The following CPQ variants were observed in gnomAD, a reference collection of about 807,000 sequenced individuals.
The protein encoded by CPQ is carboxypeptidase Q.
Under a neutral mutation model 45.7 loss-of-function variants are expected in CPQ, and 37 were observed. The ratio of observed to expected loss-of-function variants is 0.81; its 90% confidence interval spans 0.62 to 1.07. The LOEUF (loss-of-function observed/expected upper bound fraction) is 1.07, where lower values mean the gene tolerates loss of function less well. Ranked by LOEUF, CPQ falls within the 50% of genes least tolerant of loss-of-function variation. CPQ has a pLI of 0.00. For synonymous variants in CPQ, 186 were observed against 205.8 expected (o/e 0.90, Z 0.82); for missense variants, 537 against 572.9 (o/e 0.94, Z 0.64).
At chr8:97,078,250 T>A (rs1257211145) in intron 7 of CPQ, among the ~76,000 whole-genome samples, 2 of 152,158 alleles carry the variant, frequency 1.3e-5, no homozygotes, top group African/African-American at 4.8e-5. Context: ...CAGGCTATCT[T>A]GTACATGTCC....
At chr8:96,713,936 T>C (rs1809645446) in intron 1 of CPQ, among the ~76,000 whole-genome samples, 1 of 152,236 alleles carries the variant, frequency 6.6e-6, no homozygotes, top group Non-Finnish European at 1.5e-5. Flanking sequence ...TGGTTGATAG[T>C]TATTCTTTTT....
At chr8:97,067,442 G>T (rs1277067355) in intron 7 of CPQ, among the ~76,000 whole-genome samples, 1 of 152,140 alleles carries the variant, frequency 6.6e-6, no homozygotes, top group East Asian at 1.9e-4. Context: ...TTTTAACATT[G>T]CTGTATTCAG....
intron 7 of CPQ, among the ~76,000 whole-genome samples, chr8:97,118,454 G>T (rs1811633745): frequency 6.6e-6 from 1 of 152,080 alleles, no homozygotes; most frequent in Non-Finnish European, 1.5e-5. Flanking sequence ...AATATTAAAA[G>T]TCAGGAGACT....
At chr8:96,882,816 A>T (rs1322357559) in intron 4 of CPQ, among the ~76,000 whole-genome samples, 1 of 150,860 alleles carries the variant, frequency 6.6e-6, no homozygotes, top group Admixed American at 6.8e-5. Context: ...TAAATCAACC[A>T]ATCTAATGTA....
At chr8:97,128,072 TTTCTA>T (rs1330447229) in intron 7 of CPQ, among the ~76,000 whole-genome samples, 1 of 152,244 alleles carries the variant, frequency 6.6e-6, no homozygotes, top group Non-Finnish European at 1.5e-5. Flanking sequence ...GAATGAGTAT[TTTCTA>T]TTCTATTCAA....
chr8:96,850,624 A>AT (rs1811758999), intron 3 of CPQ, among the ~76,000 whole-genome samples: 2 of 144,646 alleles, frequency 1.4e-5, no homozygotes, highest in African/African-American at 5.1e-5. Context: ...TTATTTATTT[A>AT]TTGAGATGCA....
chr8:97,142,949 G>C, intron 7 of CPQ, 71 bp from the exon 8 acceptor site: 1 of 1,464,138 alleles, frequency 6.8e-7, no homozygotes, highest in Middle Eastern at 1.9e-4. Context: ...CAAAAGTGAA[G>C]GGGGAGAGGT....
At chr8:96,652,953 G>A (rs961330312) in intron 1 of CPQ, among the ~76,000 whole-genome samples, 2 of 152,108 alleles carry the variant, frequency 1.3e-5, no homozygotes, top group Non-Finnish European at 2.9e-5. Flanking sequence ...TGTTTTTGAG[G>A]CAGGATCTGG....
chr8:97,111,420 A>G (rs1235245406), intron 7 of CPQ, among the ~76,000 whole-genome samples: 2 of 152,196 alleles, frequency 1.3e-5, no homozygotes, highest in African/African-American at 4.8e-5. Flanking sequence ...CTAAATAGAA[A>G]GAGGAATCTG....
At chr8:96,938,754 T>C (rs60567988) in intron 4 of CPQ, among the ~76,000 whole-genome samples, 2,948 of 152,198 alleles carry the variant, frequency 0.019, 111 homozygotes, top group African/African-American at 0.067. Flanking sequence ...ATGTAGTCCA[T>C]ATAGGTCAGC....
intron 7 of CPQ, among the ~76,000 whole-genome samples, chr8:97,075,454 A>C (rs1018881997): frequency 6.6e-6 from 1 of 152,184 alleles, no homozygotes; most frequent in African/African-American, 2.4e-5. Context: ...ATTATGGAGG[A>C]TACAAAAATG....
At chr8:96,895,286 A>C (rs1239921123) in intron 4 of CPQ, among the ~76,000 whole-genome samples, 2 of 152,242 alleles carry the variant, frequency 1.3e-5, no homozygotes, top group East Asian at 3.8e-4. Flanking sequence ...ACATTAATTG[A>C]AAGACAGTTG....
intron 2 of CPQ, among the ~76,000 whole-genome samples, chr8:96,799,553 T>G (rs1224459640): frequency 6.6e-6 from 1 of 152,182 alleles, no homozygotes; most frequent in Non-Finnish European, 1.5e-5. Flanking sequence ...ACTTTAAAAT[T>G]GGCGGTATGG....
intron 4 of CPQ, among the ~76,000 whole-genome samples, chr8:96,952,680 C>T (rs887353016): frequency 1.3e-5 from 2 of 151,964 alleles, no homozygotes; most frequent in African/African-American, 2.4e-5. Flanking sequence ...GAAATGTCTA[C>T]AAAATTATGA....
At chr8:96,956,984 C>T (rs1263726666) in intron 4 of CPQ, among the ~76,000 whole-genome samples, 1 of 152,212 alleles carries the variant, frequency 6.6e-6, no homozygotes, top group Non-Finnish European at 1.5e-5. Context: ...CCTTGACACT[C>T]TGTCCTGCAG....
chr8:96,744,151 G>A lies in CPQ; in HGVS notation c.-34-40713G>A, dbSNP rs560668393. On this transcript the variant is annotated intron_variant, in intron 1 of 7. Coordinates refer to ENST00000220763, the MANE Select transcript of CPQ (RefSeq NM_016134.4). ...AGACTCTGTGGGTGTAGGACCCTCT[G>A]AGCCAGGTGCGGGATATAATCTCCT... Among the ~76,000 whole-genome samples the A allele has an allele frequency of 6.3e-3, 958 of 152,376 alleles. 12 individuals carry two copies. Among genetic ancestry groups the A allele is most frequent in the African/African-American group, 0.021 (892 of 41,582 alleles).
intron 4 of CPQ, among the ~76,000 whole-genome samples, chr8:96,917,998 A>G (rs991383837): frequency 6.6e-6 from 1 of 152,156 alleles, no homozygotes; most frequent in Non-Finnish European, 1.5e-5. Flanking sequence ...TATAGAGTGT[A>G]CTCTTAGTGT....
At position 97,143,419 on chromosome 8, in the gene CPQ, G is replaced by T; in HGVS notation, c.*236G>T. On this transcript the variant is annotated 3_prime_UTR_variant, in exon 8 of 8. Transcript: ENST00000220763. ...TCAACATATGGTAGGGATTACAGTGGGGGCATTTCTTTATATCACCTCTTA... is the reference window on the plus strand; with the variant it reads ...TCAACATATGGTAGGGATTACAGTGTGGGCATTTCTTTATATCACCTCTTA... 2.7e-6 allele frequency: 1 copy of T among 368,358 alleles called. No individual in the cohort carries two copies. Among genetic ancestry groups the T allele is most frequent in the African/African-American group, 2.1e-5 (1 of 48,004 alleles). The allele number at this position is 368,358 out of a possible 1,614,324, so 22.8% of individuals were successfully genotyped here. A position where few individuals can be genotyped will look rare whatever the true frequency, so the allele number is the denominator to read the frequency against.
chr8:96,761,179 A>G (rs1810399866), intron 1 of CPQ: 1 of 152,184 alleles, frequency 6.6e-6, no homozygotes, highest in Admixed American at 6.5e-5. Context: ...TTCCTGATCC[A>G]AGGTAGTTTT....
Sources: allele counts gnomAD v4.1 joint callset (sites outside exome capture counted in the v4.1 genomes callset), GRCh38; gene constraint gnomAD v4.1.1; transcripts MANE v1.5; gene names NCBI Gene and HGNC (gene_info 2026-07-23, HGNC 2026-07-21).